PKHD1: variants seen among roughly 807,000 people sequenced by gnomAD.
PKHD1 encodes the protein PKHD1 ciliary IPT domain containing fibrocystin/polyductin.
In PKHD1, 291 loss-of-function variants were observed where a neutral mutation model predicts 412.0. The observed-to-expected ratio is 0.71, with a 90% CI of 0.64 to 0.78. PKHD1 has a LOEUF of 0.78. PKHD1 is among the 30% of genes least tolerant of loss of function. The pLI, the probability that PKHD1 is intolerant of heterozygous loss-of-function variation, is 0.00. For synonymous variants in PKHD1, 1,777 were observed against 1,821.5 expected, an observed-to-expected ratio of 0.98 and a Z score of 0.62; for missense variants, 4,825 against 4,950.7, an observed-to-expected ratio of 0.97 and a Z score of 0.76.
At chr6:51,853,490 TCTC>T (rs1335920366) in intron 49 of PKHD1, among the ~76,000 whole-genome samples, 2 of 152,206 alleles carry the variant, frequency 1.3e-5, no homozygotes, top group Non-Finnish European at 2.9e-5. Context: ...TTGGGGAACT[TCTC>T]CTGAATAATA....
chr6:52,046,513 T>C (rs1038378818), intron 23 of PKHD1, among the ~76,000 whole-genome samples: 7 of 152,216 alleles, frequency 4.6e-5, no homozygotes, highest in African/African-American at 1.7e-4. Context: ...TTGTAATGCC[T>C]GAAAGCATAA....
intron 52 of PKHD1, among the ~76,000 whole-genome samples, chr6:51,812,142 C>G (rs577362914): frequency 5.1e-4 from 78 of 152,176 alleles, no homozygotes; most frequent in African/African-American, 1.8e-3. Context: ...GCTGTGGGAC[C>G]CAGGGAATAT....
chr6:51,799,469 C>T (rs900165746), intron 52 of PKHD1, among the ~76,000 whole-genome samples: 1 of 152,108 alleles, frequency 6.6e-6, no homozygotes, highest in Non-Finnish European at 1.5e-5. Flanking sequence ...TGATGACATA[C>T]TTTTTAATTA....
chr6:51,930,437 T>A (rs903848674), intron 37 of PKHD1, among the ~76,000 whole-genome samples: 3 of 152,202 alleles, frequency 2.0e-5, no homozygotes, highest in Admixed American at 2.0e-4. Context: ...GGACTTTTCC[T>A]ACATTCAAAG....
intron 55 of PKHD1, among the ~76,000 whole-genome samples, chr6:51,756,334 TA>T (rs1343684283): frequency 6.6e-6 from 1 of 152,162 alleles, no homozygotes; most frequent in Non-Finnish European, 1.5e-5. Context: ...TAAGACTAGA[TA>T]AATACATGGA....
intron 34 of PKHD1, among the ~76,000 whole-genome samples, chr6:52,013,160 C>T (rs1800011643): frequency 6.6e-6 from 1 of 152,190 alleles, no homozygotes; most frequent in Non-Finnish European, 1.5e-5. Flanking sequence ...TACATCCTTT[C>T]TTGGCCTTGG....
At chr6:51,625,993 G>C (rs531935160) in intron 66 of PKHD1, among the ~76,000 whole-genome samples, 11 of 152,122 alleles carry the variant, frequency 7.2e-5, no homozygotes. Context: ...CCAGGAACTG[G>C]AGTATGGCTA....
intron 11 of PKHD1, 101 bp downstream of exon 11, chr6:52,069,356 G>C: frequency 1.2e-6 from 1 of 834,396 alleles, no homozygotes; most frequent in Admixed American, 1.7e-5. Context: ...GGACAGCTTC[G>C]GGTGTTAATG....
At chr6:52,046,518 G>T (rs1302376076) in intron 23 of PKHD1, among the ~76,000 whole-genome samples, 9 of 152,182 alleles carry the variant, frequency 5.9e-5, no homozygotes, top group Admixed American at 5.9e-4. Context: ...ATGCCTGAAA[G>T]CATAATTAAA....
intron 58 of PKHD1, among the ~76,000 whole-genome samples, chr6:51,747,416 C>T (rs545930609): frequency 6.6e-6 from 1 of 152,128 alleles, no homozygotes; most frequent in East Asian, 1.9e-4. Context: ...TAAATAATTG[C>T]TGTGTTAGCC....
At chr6:51,869,192 T>C (rs1392077295) in intron 47 of PKHD1, among the ~76,000 whole-genome samples, 1 of 152,140 alleles carries the variant, frequency 6.6e-6, no homozygotes, top group African/African-American at 2.4e-5. Flanking sequence ...ATTTCAGTCA[T>C]ACTGGACTTC....
At chr6:51,937,839 T>TCC (rs1217885543) in intron 36 of PKHD1, among the ~76,000 whole-genome samples, 5 of 152,168 alleles carry the variant, frequency 3.3e-5, no homozygotes, top group Admixed American at 1.3e-4. Context: ...AATGCAATGG[T>TCC]CTCTGTGGCT....
chr6:51,824,153 A>G (rs2151473366), intron 52 of PKHD1, among the ~76,000 whole-genome samples: 1 of 152,246 alleles, frequency 6.6e-6, no homozygotes, highest in South Asian at 2.1e-4. Context: ...GAAAGCCACT[A>G]CATTTCCTGC....
chr6:51,625,821 A>G (rs1256818411), intron 66 of PKHD1, among the ~76,000 whole-genome samples: 1 of 152,196 alleles, frequency 6.6e-6, no homozygotes, highest in African/African-American at 2.4e-5. Flanking sequence ...ACCTGTCCTG[A>G]GTTTACATGC....
At chr6:52,023,075 T>A in intron 32 of PKHD1, 131 bp from the exon 33 acceptor site, 1 of 1,042,848 alleles carries the variant, frequency 9.6e-7, no homozygotes. Context: ...CACAACTGGC[T>A]TGAGGTGGCT....
chr6:51,887,589 T>A (rs1778423308), intron 43 of PKHD1, among the ~76,000 whole-genome samples: 1 of 152,060 alleles, frequency 6.6e-6, no homozygotes, highest in Non-Finnish European at 1.5e-5. Context: ...TGAGTTCTCA[T>A]GAGATCTGGT....
chr6:52,086,307 C>T (rs1812784411), intron 1 of PKHD1, among the ~76,000 whole-genome samples: 1 of 151,916 alleles, frequency 6.6e-6, no homozygotes, highest in South Asian at 2.1e-4. Flanking sequence ...GACAGGTTTT[C>T]ACCATGATAG....
Position 51,909,288 on chromosome 6 carries a change from A to G in PKHD1, c.6677T>C (p.Met2226Thr), listed in dbSNP as rs1782601606. The G allele has an allele frequency of 6.2e-7, 1 of 1,612,634 alleles. No homozygotes were observed. Among genetic ancestry groups the G allele is most frequent in the Admixed American group, 1.7e-5 (1 of 59,894 alleles). Residue 2226 changes from methionine (M) to threonine (T), a missense_variant, in exon 40 of 67, where the codon ATG becomes ACG. Coordinates refer to ENST00000371117, the MANE Select transcript of PKHD1 (RefSeq NM_138694.4). ...HLSSLTLVGA[M>T]RESFIQGCTV... ...CTAGGTCCGGACCCCCTTACCTCTC[A>G]TAGCTCCCACCAGAGTGAGTGAGCT...
intron 10 of PKHD1, among the ~76,000 whole-genome samples, chr6:52,069,738 C>T (rs1342440985): frequency 6.6e-6 from 1 of 152,124 alleles, no homozygotes; most frequent in Non-Finnish European, 1.5e-5. Flanking sequence ...ATAATGCCTG[C>T]TTCATAGGAT....
Sources: allele counts gnomAD v4.1 joint callset (sites outside exome capture counted in the v4.1 genomes callset), GRCh38; gene constraint gnomAD v4.1.1; transcripts MANE v1.5; gene names NCBI Gene and HGNC (gene_info 2026-07-23, HGNC 2026-07-21).